Variants in XIST observed in about 807,000 individuals in gnomAD.
The protein encoded by XIST is X inactive specific transcript (non-protein coding).
chrX:73,846,296 G>A (rs774484877), exon 1 of XIST: 1 of 558,172 alleles, frequency 1.8e-6, no homozygotes, highest in South Asian at 2.2e-5. Flanking sequence ...CATGTCTAAG[G>A]TGCATGGTTG....
chrX:73,822,822 G>A (rs771302399), exon 6 of XIST: 5 of 556,702 alleles, frequency 9.0e-6, no homozygotes, highest in African/African-American at 8.9e-5. Context: ...ACTCTACAAC[G>A]CATGTCAAAG....
At chrX:73,823,009 T>C in exon 6 of XIST, 2 of 555,424 alleles carry the variant, frequency 3.6e-6, no homozygotes, top group Non-Finnish European at 6.5e-6. Context: ...CAGCACTTTA[T>C]TCAGTTTTAA....
exon 1 of XIST, chrX:73,852,090 A>C: frequency 1.9e-6 from 1 of 527,874 alleles, no homozygotes; most frequent in Middle Eastern, 3.2e-4. Flanking sequence ...CGAGGCCCCG[A>C]TGGGCAAGGA....
exon 6 of XIST, chrX:73,824,524 C>A: frequency 1.8e-6 from 1 of 555,927 alleles, no homozygotes; most frequent in Non-Finnish European, 3.2e-6. Flanking sequence ...CAAAATTGAT[C>A]TATTTAACAG....
intron 2 of XIST, among the ~76,000 whole-genome samples, chrX:73,835,227 A>G (rs1209598940): frequency 6.3e-5 from 7 of 111,887 alleles, no homozygotes; most frequent in Non-Finnish European, 1.1e-4. Context: ...CTGTAAGGAT[A>G]GTTTAGATCA....
intron 2 of XIST, chrX:73,837,372 T>A (rs1429994341): frequency 2.2e-6 from 1 of 449,656 alleles, no homozygotes; most frequent in Non-Finnish European, 3.9e-6. Context: ...TTCTATAGAA[T>A]ACTGGACCAT....
intron 1 of XIST, among the ~76,000 whole-genome samples, chrX:73,840,035 C>T (rs1437639845): frequency 9.0e-6 from 1 of 111,257 alleles, no homozygotes; most frequent in African/African-American, 3.3e-5. Context: ...TCTAATGGAT[C>T]CCCAAGTTCT....
exon 6 of XIST, chrX:73,821,713 G>A (rs766656111): frequency 2.6e-5 from 14 of 534,039 alleles, no homozygotes; most frequent in African/African-American, 9.0e-5. Flanking sequence ...ATTTAAAAAC[G>A]GAAAAGGTCA....
At chrX:73,826,029 T>A (rs1922243724) in exon 6 of XIST, 1 of 559,013 alleles carries the variant, frequency 1.8e-6, no homozygotes, top group Non-Finnish European at 3.2e-6. Context: ...GTTCAGGCTG[T>A]CCCCTTGGGA....
exon 1 of XIST, chrX:73,847,600 A>G (rs1366589076): frequency 7.8e-6 from 4 of 512,840 alleles, no homozygotes; most frequent in African/African-American, 2.3e-5. Context: ...AGAAGTCAAG[A>G]TATTAGCTTG....
chrX:73,846,994 G>C (rs756169079), exon 1 of XIST: 5 of 559,033 alleles, frequency 8.9e-6, no homozygotes, highest in Non-Finnish European at 1.3e-5. Flanking sequence ...TCTCTGCTTT[G>C]ATAAGTACAG....
chrX:73,849,200 A>C (rs1490612802), exon 1 of XIST: 7 of 557,529 alleles, frequency 1.3e-5, no homozygotes, highest in Non-Finnish European at 2.3e-5. Flanking sequence ...TTGTTCTTTA[A>C]TTGTCCAAGA....
exon 6 of XIST, chrX:73,820,897 C>T (rs752733717): frequency 2.9e-5 from 16 of 557,766 alleles, no homozygotes; most frequent in Admixed American, 1.3e-4. Context: ...AGGACAATGA[C>T]GAAGCCACTT....
chrX:73,848,745 A>G (rs1169631674), exon 1 of XIST: 1 of 557,086 alleles, frequency 1.8e-6, no homozygotes, highest in Non-Finnish European at 3.2e-6. Context: ...AATTATGCAT[A>G]TCAACTGTTT....
exon 6 of XIST, chrX:73,827,739 A>G (rs1338981758): frequency 1.8e-6 from 1 of 549,464 alleles, no homozygotes; most frequent in Admixed American, 2.3e-5. Context: ...GTGACCCAAA[A>G]AGGAGACATG....
intron 3 of XIST, among the ~76,000 whole-genome samples, chrX:73,831,658 T>C (rs951382043): frequency 9.0e-6 from 1 of 111,438 alleles, no homozygotes; most frequent in Non-Finnish European, 1.9e-5. Context: ...ATCAAGAGGT[T>C]GAAACTAATG....
chrX:73,827,443 G>A lies in XIST; in HGVS notation n.12458C>T, dbSNP rs774060263. On this transcript the variant is annotated non_coding_transcript_exon_variant, in exon 6 of 6. Transcript: ENST00000429829. ...CAGAGAACAAATACAAGCCAACAGA[G>A]ATTAATACTGAAATAGAAAATCACA... 1.8e-5 allele frequency: 10 copies of A among 543,267 alleles called. No homozygotes were observed. The South Asian group carries it at 2.3e-4, about 13-fold the overall frequency. 44.8% of individuals were successfully genotyped at this position (543,267 alleles called of 1,213,427 possible).
At chrX:73,822,659 T>C (rs769360000) in exon 6 of XIST, 1 of 530,059 alleles carries the variant, frequency 1.9e-6, no homozygotes, top group East Asian at 3.4e-5. Context: ...TTCTGTTTGA[T>C]GAAGAGTATC....
At chrX:73,844,083 T>C (rs1464231544) in exon 1 of XIST, 2 of 558,044 alleles carry the variant, frequency 3.6e-6, no homozygotes, top group Non-Finnish European at 6.5e-6. Flanking sequence ...TCATAAGGAG[T>C]GGGCACCCAC....
Sources: gnomAD v4.1 joint callset for allele counts (sites outside exome capture counted in the v4.1 genomes callset) on GRCh38, gnomAD v4.1.1 for gene constraint, MANE v1.5 for transcripts, NCBI Gene and HGNC (gene_info 2026-07-23, HGNC 2026-07-21) for gene names.